Variants in TP63 observed in about 807,000 individuals in gnomAD.
TP63 encodes the protein tumor protein 63.
In TP63, 17 loss-of-function variants were observed where a neutral mutation model predicts 82.8. That is an observed-to-expected ratio of 0.21 (90% CI 0.14 to 0.31). The LOEUF is 0.31. Ranked by LOEUF, TP63 falls within the 10% of genes least tolerant of loss-of-function variation. The pLI is 1.00. For missense variants in TP63, 648 were observed against 895.3 expected (o/e 0.72, Z 3.52); for synonymous variants, 330 against 321.7 (o/e 1.03, Z -0.28).
intron 9 of TP63, among the ~76,000 whole-genome samples, chr3:189,869,927 G>T (rs1323937933): frequency 6.6e-6 from 1 of 152,012 alleles, no homozygotes; most frequent in African/African-American, 2.4e-5. Flanking sequence ...GAAAATATGT[G>T]TTTTTTAAAA....
intron 1 of TP63, among the ~76,000 whole-genome samples, chr3:189,634,787 C>A (rs1342652002): frequency 1.3e-5 from 2 of 151,846 alleles, no homozygotes; most frequent in Non-Finnish European, 2.9e-5. Flanking sequence ...GAAACTTGTA[C>A]ACAATAAATT....
chr3:189,694,645 A>G (rs749663725), intron 1 of TP63, among the ~76,000 whole-genome samples: 10 of 152,146 alleles, frequency 6.6e-5, no homozygotes, highest in Admixed American at 1.3e-4. Context: ...TTAAGGGTAC[A>G]TACTATCAAC....
In TP63 at chr3:189,682,548, AAAAAAATATATATATATATAT is replaced by A. The variant is rs1272276198; in HGVS notation, c.62+50973_62+50993del. 3.5e-4 allele frequency among the ~76,000 whole-genome samples: 17 copies of A among 48,944 alleles called. 1 individual carries two copies. The highest frequency in any genetic ancestry group is 3.4e-3 in the South Asian group (6 of 1,772). 32.1% of individuals were successfully genotyped at this position (48,944 alleles called of 152,430 possible). The stretch of plus-strand genomic sequence containing the variant: ...TTGGTCCTAAGGGGAAAAAAAAAAA[AAAAAAATATATATATATATAT>A]ATATATATATATATATATATATATA... On this transcript the variant is annotated intron_variant, in intron 1 of 13. Transcript: ENST00000264731.
At chr3:189,619,463 G>A in the TP63 span, among the ~76,000 whole-genome samples, 1 of 152,138 alleles carries the variant, frequency 6.6e-6, no homozygotes, top group Non-Finnish European at 1.5e-5. Flanking sequence ...ACATTCAAAT[G>A]TCTCTAGAGC....
At chr3:189,659,911 G>T (rs953131588) in intron 1 of TP63, among the ~76,000 whole-genome samples, 2 of 151,616 alleles carry the variant, frequency 1.3e-5, no homozygotes, top group African/African-American at 4.8e-5. Flanking sequence ...GTTGGTTTTG[G>T]TTTTTCCAAT....
intron 1 of TP63, among the ~76,000 whole-genome samples, chr3:189,711,231 C>A (rs1718571174): frequency 6.6e-6 from 1 of 152,144 alleles, no homozygotes. Context: ...CAGAAACCAG[C>A]CTTGTGGAAT....
At chr3:189,810,859 CAAAAAA>C (rs11474103) in intron 4 of TP63, among the ~76,000 whole-genome samples, 1 of 120,230 alleles carries the variant, frequency 8.3e-6, no homozygotes, top group Non-Finnish European at 1.7e-5. Context: ...AGTCCGTCTC[CAAAAAA>C]AAAAAAAAAA....
chr3:189,831,917 C>T (rs767074064), intron 4 of TP63, among the ~76,000 whole-genome samples: 13 of 149,496 alleles, frequency 8.7e-5, no homozygotes, highest in African/African-American at 2.7e-4. Flanking sequence ...CTGCAACCTC[C>T]GCCTCCAGGG....
At chr3:189,785,845 G>A (rs536103003) in intron 3 of TP63, among the ~76,000 whole-genome samples, 1 of 152,134 alleles carries the variant, frequency 6.6e-6, no homozygotes, top group Non-Finnish European at 1.5e-5. Context: ...CTCTAGCAGG[G>A]AGGAAAGAAA....
chr3:189,735,983 G>A (rs1169640995), intron 1 of TP63, among the ~76,000 whole-genome samples: 1 of 151,792 alleles, frequency 6.6e-6, no homozygotes. Flanking sequence ...CAAGGGAACT[G>A]GGTAAAGGGT....
chr3:189,844,024 C>T (rs1473764931), intron 4 of TP63, among the ~76,000 whole-genome samples: 4 of 151,950 alleles, frequency 2.6e-5, no homozygotes, highest in South Asian at 2.1e-4. Context: ...AGAGAATGCC[C>T]CCACCCCAAC....
intron 4 of TP63, among the ~76,000 whole-genome samples, chr3:189,840,310 A>T (rs1209633524): frequency 2.1e-5 from 3 of 140,840 alleles, no homozygotes; most frequent in African/African-American, 8.0e-5. Flanking sequence ...GAGGATGTAC[A>T]GTTGTTTTAG....
In TP63 at chr3:189,875,613, T is replaced by TATATAC. The variant is rs1553859703; in HGVS notation, c.1349+2623_1349+2624insCATATA. Among the ~76,000 whole-genome samples, 93 of 105,488 alleles carry TATATAC rather than the reference T, an allele frequency of 8.8e-4. 3 individuals carry two copies. Among genetic ancestry groups the TATATAC allele is most frequent in the African/African-American group, 3.6e-3 (89 of 24,914 alleles). 69.2% of individuals were successfully genotyped at this position (105,488 alleles called of 152,430 possible). ...ACATACATATATATATATATATATA[T>TATATAC]ATATATATATATATATATATATATA... On this transcript the variant is annotated intron_variant, in intron 10 of 13. Transcript: ENST00000264731.
rs1014012876 is a variant in TP63 at position 189,790,778 on chromosome 3, G to A, written c.325-17494G>A. Among the ~76,000 whole-genome samples the A allele has an allele frequency of 2.0e-5, 3 of 152,124 alleles. 1 individual carries two copies. Among genetic ancestry groups the A allele is most frequent in the Middle Eastern group, 6.8e-3 (2 of 294 alleles). On this transcript the variant is annotated intron_variant, in intron 3 of 13. Transcript: ENST00000264731. ...CAGATAAAAATGCTTGCAGGTGAGT[G>A]CTTGGAAAAGTGGACTAGAGTACTC... is the stretch of plus-strand genomic sequence containing the variant.
chr3:189,732,203 A>C (rs115484874), intron 1 of TP63, among the ~76,000 whole-genome samples: 2,916 of 152,060 alleles, frequency 0.019, 36 homozygotes, highest in Middle Eastern at 0.051. Flanking sequence ...CTGAGTCACC[A>C]GGAAACTGAG....
intron 4 of TP63, among the ~76,000 whole-genome samples, chr3:189,825,788 T>A (rs1434306643): frequency 6.6e-6 from 1 of 152,206 alleles, no homozygotes; most frequent in Non-Finnish European, 1.5e-5. Context: ...TAAATCCACG[T>A]GCTTTAAAAA....
intron 9 of TP63, among the ~76,000 whole-genome samples, chr3:189,870,448 A>G (rs1361071279): frequency 6.6e-6 from 1 of 152,188 alleles, no homozygotes; most frequent in African/African-American, 2.4e-5. Context: ...AACTATACAG[A>G]GGATATGCAT....
the TP63 span, among the ~76,000 whole-genome samples, chr3:189,615,248 C>G: frequency 3.3e-5 from 5 of 152,182 alleles, no homozygotes; most frequent in Non-Finnish European, 7.3e-5. Flanking sequence ...TCTTCAGTCT[C>G]TTGAATATTC....
chr3:189,763,263 G>C (rs1012746578), intron 3 of TP63, among the ~76,000 whole-genome samples: 5 of 152,072 alleles, frequency 3.3e-5, no homozygotes, highest in Admixed American at 3.3e-4. Flanking sequence ...GACAGAGCAA[G>C]GCCCTGTCTC....
Sources: allele counts gnomAD v4.1 joint callset (sites outside exome capture counted in the v4.1 genomes callset), GRCh38; gene constraint gnomAD v4.1.1; transcripts MANE v1.5; gene names NCBI Gene and HGNC (gene_info 2026-07-23, HGNC 2026-07-21).